RP2: variants seen among roughly 807,000 people sequenced by gnomAD.
The protein encoded by RP2 is RP2 activator of ARL3 GTPase.
In RP2, 3 loss-of-function variants were observed where a neutral mutation model predicts 20.3. The observed-to-expected ratio is 0.15, with a 90% confidence interval of 0.07 to 0.38. The LOEUF (loss-of-function observed/expected upper bound fraction) is 0.38. Among genes scored for constraint, RP2 ranks in the 10% least tolerant of loss-of-function variants. The pLI is 1.00. For synonymous variants in RP2, 75 were observed against 94.8 expected, an observed-to-expected ratio of 0.79 and a Z score of 1.22; for missense variants, 233 against 268.5, an observed-to-expected ratio of 0.87 and a Z score of 0.92.
intron 3 of RP2, among the ~76,000 whole-genome samples, chrX:46,870,492 A>C (rs1925270721): frequency 9.0e-6 from 1 of 111,298 alleles, no homozygotes; most frequent in African/African-American, 3.3e-5. Flanking sequence ...GCCTCAAGCA[A>C]TCCTCCCTCC....
intron 1 of RP2, 109 bp from the exon 2 acceptor site, chrX:46,853,367 A>C (rs1556318491): frequency 1.5e-6 from 1 of 664,011 alleles, no homozygotes; most frequent in African/African-American, 2.2e-5. Context: ...ATTGAGATTA[A>C]GAATTTATAT....
At chrX:46,847,774 GTGTACATACACACATGTGTGTGTGTATA>G (rs1461433956) in intron 1 of RP2, among the ~76,000 whole-genome samples, 4 of 79,224 alleles carry the variant, frequency 5.0e-5, no homozygotes, top group African/African-American at 2.4e-4. Context: ...ACATGTGTGT[GTGTACATACACACATGTGTGTGTGTATA>G]TATATACACA....
chrX:46,838,082 A>G (rs1242228251), intron 1 of RP2, among the ~76,000 whole-genome samples: 1 of 112,450 alleles, frequency 8.9e-6, no homozygotes. Context: ...CCCAAACAAA[A>G]TGAGAGATTT....
At chrX:46,872,385 G>C (rs1925306919) in intron 3 of RP2, among the ~76,000 whole-genome samples, 1 of 111,755 alleles carries the variant, frequency 8.9e-6, no homozygotes, top group Non-Finnish European at 1.9e-5. Flanking sequence ...CTTTCATTTT[G>C]CTAGCTGATT....
intron 1 of RP2, among the ~76,000 whole-genome samples, chrX:46,846,929 G>A (rs1171044472): frequency 9.0e-6 from 1 of 111,601 alleles, no homozygotes; most frequent in Non-Finnish European, 1.9e-5. Context: ...AGGTCTGGCT[G>A]TGTTGCTCAG....
intron 3 of RP2, among the ~76,000 whole-genome samples, chrX:46,876,127 AT>A (rs201768479): frequency 0.23 from 24,449 of 106,551 alleles, 2,677 homozygotes; most frequent in East Asian, 0.37. Context: ...CCCCATATCT[AT>A]TTTTTTTTTG....
At chrX:46,879,411 A>G (rs1925434587) in intron 4 of RP2, among the ~76,000 whole-genome samples, 1 of 111,307 alleles carries the variant, frequency 9.0e-6, no homozygotes, top group African/African-American at 3.3e-5. Context: ...GTGTTGTAAA[A>G]GTCCAGATGT....
At position 46,847,757 on chromosome X, in the gene RP2, TATACACACATGTGTGTGTGTAC is replaced by T. The variant is rs1333109649; in HGVS notation, c.103-5697_103-5676del. On this transcript the variant is annotated intron_variant, in intron 1 of 4. Transcript: ENST00000218340. ...ATATACACACATATGTGTGTGTGTATATACACACATGTGTGTGTGTACATACACACATGTGTGTGTGTATATA... is the reference window on the plus strand; with the variant it reads ...ATATACACACATATGTGTGTGTGTATATACACACATGTGTGTGTGTATATA... Among the ~76,000 whole-genome samples the T allele has an allele frequency of 1.9e-3, 169 of 87,483 alleles. 2 individuals carry two copies. Among genetic ancestry groups the T allele is most frequent in the Non-Finnish European group, 2.5e-3 (112 of 44,976 alleles). The allele number at this position is 87,483 out of a possible 115,157, so 76.0% of individuals were successfully genotyped here. A position where few individuals can be genotyped will look rare whatever the true frequency, so the allele number is the denominator to read the frequency against.
In RP2 at chrX:46,877,519, T is replaced by G. The variant is rs150648333; in HGVS notation, c.898T>G (p.Leu300Val). The change falls in exon 4 of 5, where the codon TTG (leucine) becomes GTG (valine). Residue 300 changes from leucine to valine, a missense_variant. Around this residue, in one of 3 missense-constraint regions of RP2, gnomAD observed 118 missense variants for 123.8 expected, o/e 0.95. Transcript: ENST00000218340. Reference protein sequence around the residue: ...PLLNKGPVIALEFNGDGAVEV... With the variant: ...PLLNKGPVIAVEFNGDGAVEV... Reference sequence around the variant, plus strand: ...TTTGCTTATAGGTCCTGTTATTGCCTTGGAGTTTAATGGGGATGGTGCTGT... The same window carrying G: ...TTTGCTTATAGGTCCTGTTATTGCCGTGGAGTTTAATGGGGATGGTGCTGT... 41 of 1,203,019 alleles carry G rather than the reference T, an allele frequency of 3.4e-5. No homozygotes were observed. Among genetic ancestry groups the G allele is most frequent in the Non-Finnish European group, 4.5e-5 (40 of 888,754 alleles).
intron 4 of RP2, 133 bp from the exon 5 acceptor site, chrX:46,879,550 ATAT>A (rs1925436243): frequency 2.3e-6 from 1 of 434,327 alleles, no homozygotes; most frequent in African/African-American, 2.5e-5. Flanking sequence ...TACAGATTAA[ATAT>A]TGTCATTATA....
At chrX:46,855,614 C>G (rs1363395149) in intron 2 of RP2, among the ~76,000 whole-genome samples, 2 of 110,035 alleles carry the variant, frequency 1.8e-5, no homozygotes, top group African/African-American at 6.6e-5. Context: ...ATTACAGATG[C>G]CTGCCACCAT....
intron 3 of RP2, among the ~76,000 whole-genome samples, chrX:46,868,781 A>G (rs1401084929): frequency 1.0e-4 from 9 of 85,869 alleles, no homozygotes; most frequent in African/African-American, 4.1e-4. Context: ...GCGATACTCC[A>G]TCTCAAAAAA....
intron 1 of RP2, among the ~76,000 whole-genome samples, chrX:46,844,215 CAT>C (rs1448909635): frequency 3.6e-5 from 4 of 111,297 alleles, no homozygotes. Context: ...TTGTAGGGTA[CAT>C]ATGCACAACG....
intron 1 of RP2, among the ~76,000 whole-genome samples, chrX:46,839,926 G>T (rs1350636321): frequency 8.9e-6 from 1 of 112,246 alleles, no homozygotes; most frequent in Non-Finnish European, 1.9e-5. Context: ...TTGCAGCTTA[G>T]AAAAGGGTGT....
At chrX:46,852,206 C>T (rs192285369) in intron 1 of RP2, among the ~76,000 whole-genome samples, 52 of 103,208 alleles carry the variant, frequency 5.0e-4, no homozygotes, top group Non-Finnish European at 9.0e-4. Context: ...GACTCCGTCT[C>T]GAAAGAGAGA....
At chrX:46,846,920 G>T (rs149721129) in intron 1 of RP2, among the ~76,000 whole-genome samples, 25 of 111,588 alleles carry the variant, frequency 2.2e-4, no homozygotes, top group African/African-American at 8.1e-4. Flanking sequence ...GTAGAGACAA[G>T]GTCTGGCTGT....
At chrX:46,847,809 C>T (rs782061112) in intron 1 of RP2, among the ~76,000 whole-genome samples, 6 of 94,467 alleles carry the variant, frequency 6.4e-5, no homozygotes, top group African/African-American at 2.4e-4. Context: ...TATATATATA[C>T]ACACATATAT....
chrX:46,858,008 A>G (rs1924995717), intron 2 of RP2, among the ~76,000 whole-genome samples: 1 of 112,105 alleles, frequency 8.9e-6, no homozygotes, highest in Non-Finnish European at 1.9e-5. Flanking sequence ...ATTTGAGTTT[A>G]ATAAAATTCG....
intron 3 of RP2, among the ~76,000 whole-genome samples, chrX:46,862,004 C>G (rs1455332287): frequency 8.9e-6 from 1 of 112,001 alleles, no homozygotes; most frequent in Non-Finnish European, 1.9e-5. Flanking sequence ...TCACCATTTC[C>G]AACCCCAATG....
Sources: allele counts gnomAD v4.1 joint callset (sites outside exome capture counted in the v4.1 genomes callset), GRCh38; gene constraint gnomAD v4.1.1; regional missense constraint gnomAD v4.1.1; transcripts MANE v1.5; gene names NCBI Gene and HGNC (gene_info 2026-07-23, HGNC 2026-07-21).